The following ARHGAP20 variants were observed in gnomAD, a reference collection of about 807,000 sequenced individuals.
The protein encoded by ARHGAP20 is rho GTPase-activating protein 20.
ARHGAP20 carries 34 observed loss-of-function variants against 73.7 expected under a neutral mutation model. The ratio of observed to expected loss-of-function variants is 0.46; its 90% confidence interval spans 0.35 to 0.61. The LOEUF is 0.61. ARHGAP20 is among the 20% of genes least tolerant of loss of function. ARHGAP20 has a pLI of 0.00. For missense variants in ARHGAP20, 1,314 were observed against 1,420.9 expected, an observed-to-expected ratio of 0.92 and a Z score of 1.21; for synonymous variants, 523 against 518.2, an observed-to-expected ratio of 1.01 and a Z score of -0.13.
intron 2 of ARHGAP20, among the ~76,000 whole-genome samples, chr11:110,681,382 A>C (rs144373563): frequency 2.0e-5 from 3 of 152,304 alleles, no homozygotes; most frequent in African/African-American, 7.2e-5. Flanking sequence ...TTTTTCCTTT[A>C]AGTGATATCA....
Position 110,581,120 on chromosome 11 carries a change from T to C in ARHGAP20, c.1826A>G (p.Gln609Arg), listed in dbSNP as rs762890463. The C allele has an allele frequency of 1.2e-5, 19 of 1,614,198 alleles. No homozygotes were observed. Among genetic ancestry groups the C allele is most frequent in the Non-Finnish European group, 1.5e-5 (18 of 1,180,026 alleles). Residue 609 changes from glutamine to arginine, a missense_variant, in exon 15 of 15, where the codon CAG becomes CGG. Around this residue, in one of 3 missense-constraint regions of ARHGAP20, gnomAD observed 230 missense variants for 317.6 expected, o/e 0.72. Transcript: ENST00000683387. ...PCSDLVKKLG[Q>R]GSRSMDSVLT... is the part of the protein sequence containing the mutation. ...GACAGAGTCCATGCTTCTGCTCCCCTGGCCAAGTTTCTTTACCAAGTCACT... is the reference window on the plus strand; with the variant it reads ...GACAGAGTCCATGCTTCTGCTCCCCCGGCCAAGTTTCTTTACCAAGTCACT...
intron 9 of ARHGAP20, among the ~76,000 whole-genome samples, chr11:110,596,729 A>G (rs6589154): frequency 0.54 from 82,284 of 151,812 alleles, 24,850 homozygotes; most frequent in African/African-American, 0.83. Context: ...GGAAGTCAGT[A>G]TGGCGATTCC....
chr11:110,679,942 T>C (rs1405106829), intron 2 of ARHGAP20, among the ~76,000 whole-genome samples: 1 of 152,190 alleles, frequency 6.6e-6, no homozygotes, highest in African/African-American at 2.4e-5. Flanking sequence ...CAACACTGGA[T>C]GTGTACACTT....
At chr11:110,704,041 T>C (rs913627688) in intron 1 of ARHGAP20, among the ~76,000 whole-genome samples, 1 of 152,158 alleles carries the variant, frequency 6.6e-6, no homozygotes, top group Non-Finnish European at 1.5e-5. Flanking sequence ...TAGCCCCTCA[T>C]TGTCTTCAAC....
At chr11:110,695,640 C>T (rs1950321286) in intron 1 of ARHGAP20, among the ~76,000 whole-genome samples, 1 of 151,528 alleles carries the variant, frequency 6.6e-6, no homozygotes, top group Admixed American at 6.6e-5. Context: ...TACCACATCA[C>T]ACACATTAGG....
intron 9 of ARHGAP20, among the ~76,000 whole-genome samples, chr11:110,594,672 A>G (rs1947909744): frequency 6.6e-6 from 1 of 152,226 alleles, no homozygotes; most frequent in Admixed American, 6.5e-5. Context: ...AAAAAAGTTC[A>G]GGACCAGATG....
chr11:110,666,048 T>C (rs7926836), intron 2 of ARHGAP20, among the ~76,000 whole-genome samples: 2,553 of 152,118 alleles, frequency 0.017, 75 homozygotes, highest in African/African-American at 0.058. Context: ...TATATACATA[T>C]ACACACACTA....
In ARHGAP20 at chr11:110,683,181, A is replaced by G. The variant is rs942379121; in HGVS notation, c.188+7366T>C. Among the ~76,000 whole-genome samples, 8 of 152,272 alleles carry G rather than the reference A, an allele frequency of 5.3e-5. 1 individual carries two copies. In the South Asian group the frequency reaches 1.7e-3, roughly 32 times the overall value. On this transcript the variant is annotated intron_variant, in intron 2 of 14. Transcript: ENST00000683387. ...AGGCTGTTCACCATATCAAAATAATACATTTTTGAAGGGAAAGTTTGTATG... is the reference window on the plus strand; with the variant it reads ...AGGCTGTTCACCATATCAAAATAATGCATTTTTGAAGGGAAAGTTTGTATG...
intron 2 of ARHGAP20, among the ~76,000 whole-genome samples, chr11:110,643,491 T>C (rs1949119132): frequency 6.6e-6 from 1 of 151,988 alleles, no homozygotes; most frequent in Non-Finnish European, 1.5e-5. Flanking sequence ...TTCAAATACT[T>C]TTTTTTGATT....
At chr11:110,653,387 C>T (rs1166972552) in intron 2 of ARHGAP20, among the ~76,000 whole-genome samples, 2 of 151,914 alleles carry the variant, frequency 1.3e-5, no homozygotes, top group African/African-American at 4.8e-5. Flanking sequence ...GAAAATAAAA[C>T]AACCCCATTA....
chr11:110,622,436 A>G (rs1408301988), intron 4 of ARHGAP20, among the ~76,000 whole-genome samples: 1 of 152,132 alleles, frequency 6.6e-6, no homozygotes, highest in African/African-American at 2.4e-5. Context: ...AGTTCAGAGG[A>G]CTCTAAATGT....
chr11:110,602,197 C>T (rs1276624540), intron 9 of ARHGAP20, among the ~76,000 whole-genome samples: 1 of 150,560 alleles, frequency 6.6e-6, no homozygotes, highest in Non-Finnish European at 1.5e-5. Flanking sequence ...TTTCAAGTGC[C>T]ACATCTATCA....
intron 1 of ARHGAP20, 42 bp downstream of exon 1, chr11:110,712,085 C>T: frequency 7.9e-7 from 1 of 1,263,476 alleles, no homozygotes; most frequent in Non-Finnish European, 1.0e-6. Flanking sequence ...GCAGTGGGGG[C>T]TGCGGCGGCG....
intron 2 of ARHGAP20, among the ~76,000 whole-genome samples, chr11:110,657,118 T>C (rs1287464454): frequency 6.6e-6 from 1 of 152,200 alleles, no homozygotes. Flanking sequence ...ATTGCTAAAA[T>C]AGAAATGATG....
chr11:110,604,236 AAAC>A (rs1240434159), intron 9 of ARHGAP20, among the ~76,000 whole-genome samples: 1 of 152,180 alleles, frequency 6.6e-6, no homozygotes, highest in Non-Finnish European at 1.5e-5. Context: ...ATTTAAAAAG[AAAC>A]AACATTAGTG....
intron 2 of ARHGAP20, among the ~76,000 whole-genome samples, chr11:110,661,546 T>C (rs1220216506): frequency 6.6e-6 from 1 of 151,998 alleles, no homozygotes; most frequent in East Asian, 1.9e-4. Flanking sequence ...AGTAAAAAAA[T>C]TCAACATTTG....
At chr11:110,694,827 A>G (rs1950306340) in intron 1 of ARHGAP20, among the ~76,000 whole-genome samples, 1 of 151,556 alleles carries the variant, frequency 6.6e-6, no homozygotes, top group South Asian at 2.1e-4. Context: ...CACAAACTAT[A>G]CACTCTATAA....
chr11:110,626,231 T>C (rs1215474485), intron 3 of ARHGAP20, among the ~76,000 whole-genome samples: 1 of 152,208 alleles, frequency 6.6e-6, no homozygotes, highest in Non-Finnish European at 1.5e-5. Flanking sequence ...TATTTTCTGA[T>C]GCAAGTCTCT....
At position 110,578,759 on chromosome 11, in the gene ARHGAP20, C is replaced by CTGTT; in HGVS notation, c.*607_*610dup. ...TGGTACCCATGGCTTTTGAGTCACT[C>CTGTT]TGTTTTTCTCCACTCTAGCTGTAGC... On this transcript the variant is annotated 3_prime_UTR_variant, in exon 15 of 15. Coordinates refer to ENST00000683387, the MANE Select transcript of ARHGAP20 (RefSeq NM_001384657.1). The CTGTT allele has an allele frequency of 1.0e-6, 1 of 985,466 alleles. No homozygotes were observed. The highest frequency in any genetic ancestry group is 1.7e-5 in the African/African-American group (1 of 57,356). 61.0% of individuals were successfully genotyped at this position (985,466 alleles called of 1,614,324 possible).
Sources: gnomAD v4.1 joint callset for allele counts (sites outside exome capture counted in the v4.1 genomes callset) on GRCh38, gnomAD v4.1.1 for gene constraint, gnomAD v4.1.1 regional missense constraint, MANE v1.5 for transcripts, NCBI Gene and HGNC (gene_info 2026-07-23, HGNC 2026-07-21) for gene names.